ZNF518A: variants seen among roughly 807,000 people sequenced by gnomAD.
ZNF518A encodes the protein zinc finger protein 518A, also known as zinc finger protein 518.
A neutral mutation model predicts 102.7 loss-of-function variants in ZNF518A; 47 were observed. The observed-to-expected ratio is 0.46, with a 90% CI of 0.36 to 0.58. The LOEUF (loss-of-function observed/expected upper bound fraction) is 0.58, where lower values mean the gene tolerates loss of function less well. ZNF518A is among the 20% of genes least tolerant of loss of function. ZNF518A has a pLI of 0.00. For missense variants in ZNF518A, 1,793 were observed against 1,699.8 expected (o/e 1.05, Z -0.96); for synonymous variants, 652 against 594.6 (o/e 1.10, Z -1.40).
At chr10:96,183,796 T>C (rs1554892257) in intron 1 of ZNF518A, among the ~76,000 whole-genome samples, 2 of 152,168 alleles carry the variant, frequency 1.3e-5, no homozygotes, top group African/African-American at 4.8e-5. Flanking sequence ...TTCTGTTGAT[T>C]TGGGGTGGAG....
chr10:96,198,789 C>G (rs2083544351), intron 1 of ZNF518A, among the ~76,000 whole-genome samples: 1 of 152,220 alleles, frequency 6.6e-6, no homozygotes, highest in Non-Finnish European at 1.5e-5. Context: ...ACTTCCGCCT[C>G]CTAGGCCCAA....
intron 3 of ZNF518A, among the ~76,000 whole-genome samples, chr10:96,147,899 T>C (rs781857549): frequency 3.3e-5 from 5 of 152,224 alleles, no homozygotes; most frequent in Non-Finnish European, 7.3e-5. Context: ...ACTCTCTTCC[T>C]GCCCTCCTGT....
At position 96,172,341 on chromosome 10, in the gene ZNF518A, T is replaced by C. The variant is rs116967682; in HGVS notation, n.35+16294T>C. 6.5e-3 allele frequency among the ~76,000 whole-genome samples: 995 copies of C among 152,146 alleles called. 6 individuals carry two copies. Among genetic ancestry groups the C allele is most frequent in the Non-Finnish European group, 9.4e-3 (639 of 67,910 alleles). On this transcript the variant is annotated intron_variant and non_coding_transcript_variant, in intron 1 of 2. Transcript: ENST00000442635. Reference sequence around the variant, plus strand: ...GAAAGTAGATGGGAATAAAGCTATTTTGCAGTAAGGAAATGACACCAGAGA... The same window carrying C: ...GAAAGTAGATGGGAATAAAGCTATTCTGCAGTAAGGAAATGACACCAGAGA...
rs1554886693 is a variant in ZNF518A at position 96,159,970 on chromosome 10, A to G, written c.3648A>G (p.Glu1216=). The change falls in exon 6 of 6, where the codon GAA becomes GAG. Residue 1216 remains glutamate (E), a synonymous_variant. Transcript: ENST00000316045. ...TAACTTCTACTGCAACATGCCCAGA[A>G]TCTTCTGAGGAACCAATATGTGTCA... The part of the protein sequence containing the change: ...IVITSTATCP[E]SSEEPICVSD... 6.2e-7 allele frequency: 1 copy of G among 1,613,600 alleles called. No homozygotes were observed. The highest frequency in any genetic ancestry group is 1.1e-5 in the South Asian group (1 of 91,078).
Position 96,156,419 on chromosome 10 carries a change from C to T in ZNF518A, c.97C>T (p.Pro33Ser), listed in dbSNP as rs782791006. 3.1e-6 allele frequency: 5 copies of T among 1,612,264 alleles called. No individual in the cohort carries two copies. In the East Asian group the frequency reaches 6.7e-5, roughly 22 times the overall value. Residue 33 changes from proline to serine, a missense_variant, in exon 6 of 6, where the codon CCT becomes TCT. Around this residue, in one of 3 missense-constraint regions of ZNF518A, gnomAD observed 1,741 missense variants for 1,622.6 expected, o/e 1.07. Coordinates refer to ENST00000316045, the MANE Select transcript of ZNF518A (RefSeq NM_001330736.2). ...AAATGAGATAGTTGATAGGTCGGCA[C>T]CTAAACCAAAAATTTCAGGAAGTAT... ...VKNEIVDRSAPKPKISGSIHY... is the reference protein window; with the variant it reads ...VKNEIVDRSASKPKISGSIHY...
chr10:96,171,666 G>A (rs1401292733), intron 1 of ZNF518A, among the ~76,000 whole-genome samples: 7 of 152,110 alleles, frequency 4.6e-5, no homozygotes, highest in African/African-American at 1.2e-4. Flanking sequence ...TATATGGTAT[G>A]CAAATGATAG....
intron 3 of ZNF518A, among the ~76,000 whole-genome samples, chr10:96,141,771 A>G (rs1591138341): frequency 7.2e-6 from 1 of 138,160 alleles, no homozygotes; most frequent in African/African-American, 2.7e-5. Context: ...TTTTTGAGAC[A>G]GGGTCTAGCT....
chr10:96,157,309 A>G lies in ZNF518A; in HGVS notation c.987A>G (p.Lys329=). The G allele has an allele frequency of 6.2e-7, 1 of 1,611,940 alleles. No homozygotes were observed. Among genetic ancestry groups the G allele is most frequent in the South Asian group, 1.1e-5 (1 of 90,650 alleles). The change falls in exon 6 of 6, where the codon AAA becomes AAG. Residue 329 remains lysine, a synonymous_variant. Transcript: ENST00000316045. ...GTGCATCAAGGAAGACGTTCTGGAA[A>G]CGTAAGAAAATTAACAGTGGAAGTG... ...KIGASRKTFW[K]RKKINSGSDR...
chr10:96,158,085 C>G lies in ZNF518A; in HGVS notation c.1763C>G (p.Pro588Arg). 5 of 1,613,512 alleles carry G rather than the reference C, an allele frequency of 3.1e-6. No homozygotes were observed. Among genetic ancestry groups the G allele is most frequent in the Non-Finnish European group, 4.2e-6 (5 of 1,179,734 alleles). The change falls in exon 6 of 6, where the codon CCC (proline) becomes CGC (arginine). Residue 588 changes from proline (P) to arginine (R), a missense_variant. By Grantham distance (103) the Pro-to-Arg change is moderately radical (BLOSUM62 -2). This residue lies in a region of ZNF518A where 1,741 missense variants were observed against 1,622.6 expected (regional missense o/e 1.07). Transcript: ENST00000316045. ...FWGNHLTQSHPEVLGTTIKSP... is the reference protein window; with the variant it reads ...FWGNHLTQSHREVLGTTIKSP... The stretch of plus-strand genomic sequence containing the variant: ...GGAAATCATCTCACTCAGAGTCACC[C>G]CGAGGTATTAGGTACCACCATTAAA...
downstream of ZNF518A, among the ~76,000 whole-genome samples, chr10:96,165,767 AC>A (rs1191783142): frequency 1.3e-5 from 2 of 152,162 alleles, no homozygotes; most frequent in Non-Finnish European, 2.9e-5. Flanking sequence ...AGCTTCAAAA[AC>A]TGACAACACA....
At chr10:96,152,777 G>C (rs2082513078) in intron 3 of ZNF518A, among the ~76,000 whole-genome samples, 1 of 152,172 alleles carries the variant, frequency 6.6e-6, no homozygotes, top group Admixed American at 6.5e-5. Context: ...ATGAGTATTT[G>C]TGTATCTAAA....
At chr10:96,203,498 C>T (rs1335289305) in intron 1 of ZNF518A, 1 of 151,926 alleles carries the variant, frequency 6.6e-6, no homozygotes, top group African/African-American at 2.4e-5. Flanking sequence ...TTTTTTCCCA[C>T]ATTGAGTTGC....
chr10:96,159,171 T>G lies in ZNF518A; in HGVS notation c.2849T>G (p.Leu950Arg). ...TTGAACATTACTAACAAGCCTGGGCTACCAGTTATTCCTGGAAATGCACTT... is the reference window on the plus strand; with the variant it reads ...TTGAACATTACTAACAAGCCTGGGCGACCAGTTATTCCTGGAAATGCACTT... Reference protein sequence around the residue: ...IPLNITNKPGLPVIPGNALPL... With the variant: ...IPLNITNKPGRPVIPGNALPL... Residue 950 changes from leucine (L) to arginine (R), a missense_variant, in exon 6 of 6, where the codon CTA (leucine) becomes CGA (arginine). Physicochemically the swap from Leu to Arg is moderately radical, Grantham distance 102. This residue lies in a region of ZNF518A where 1,741 missense variants were observed against 1,622.6 expected (regional missense o/e 1.07). Transcript: ENST00000316045. 1 of 1,613,810 alleles carries G rather than the reference T, an allele frequency of 6.2e-7. No individual in the cohort carries two copies. The highest frequency in any genetic ancestry group is 1.3e-5 in the African/African-American group (1 of 75,044).
chr10:96,168,566 CT>C (rs1323567430), downstream of ZNF518A, among the ~76,000 whole-genome samples: 2 of 151,568 alleles, frequency 1.3e-5, no homozygotes, highest in African/African-American at 4.9e-5. Context: ...TTTTGTCTAT[CT>C]ATGAATATCT....
chr10:96,154,719 C>T (rs948904764), intron 3 of ZNF518A, among the ~76,000 whole-genome samples: 8 of 152,110 alleles, frequency 5.3e-5, no homozygotes, highest in African/African-American at 1.7e-4. Context: ...CCTAAAAACC[C>T]TTCATGAGGC....
intron 1 of ZNF518A, among the ~76,000 whole-genome samples, chr10:96,195,493 A>C (rs1037809319): frequency 1.3e-5 from 2 of 152,244 alleles, no homozygotes; most frequent in Non-Finnish European, 2.9e-5. Flanking sequence ...AAGGAAGGAA[A>C]TCCTAACACA....
chr10:96,141,613 A>G (rs986492634), intron 3 of ZNF518A, among the ~76,000 whole-genome samples: 1 of 152,262 alleles, frequency 6.6e-6, no homozygotes, highest in East Asian at 1.9e-4. Context: ...GTATACCAAT[A>G]TCAATTGCAT....
At chr10:96,204,151 G>A (rs1348347761), downstream of ZNF518A, 2 of 1,541,200 alleles carry the variant, frequency 1.3e-6, no homozygotes, top group Middle Eastern at 1.7e-4. Context: ...TTGACTTTTT[G>A]TTTACACTGA....
intron 3 of ZNF518A, among the ~76,000 whole-genome samples, chr10:96,154,159 C>T (rs1325022510): frequency 6.6e-6 from 1 of 152,176 alleles, no homozygotes; most frequent in African/African-American, 2.4e-5. Flanking sequence ...GGCGAAACCT[C>T]ATCTCTACAA....
Sources: gnomAD v4.1 joint callset for allele counts (sites outside exome capture counted in the v4.1 genomes callset) on GRCh38, gnomAD v4.1.1 for gene constraint, gnomAD v4.1.1 regional missense constraint, MANE v1.5 for transcripts, NCBI Gene and HGNC (gene_info 2026-07-23, HGNC 2026-07-21) for gene names.